Variants in SOX5 observed in about 807,000 individuals in gnomAD.
SOX5 encodes SRY-box transcription factor 5.
SOX5 carries 9 observed loss-of-function variants against 92.0 expected under a neutral mutation model. That is an observed-to-expected ratio of 0.10 (90% CI 0.06 to 0.17). SOX5 has a LOEUF of 0.17. Ranked by LOEUF, SOX5 falls within the 10% of genes least tolerant of loss-of-function variation. The pLI is 1.00. For synonymous variants in SOX5, 344 were observed against 336.3 expected (o/e 1.02, Z -0.25); for missense variants, 642 against 944.5 (o/e 0.68, Z 4.20).
chr12:24,048,420 G>T (rs753220790), intron 4 of SOX5, among the ~76,000 whole-genome samples: 1 of 152,158 alleles, frequency 6.6e-6, no homozygotes, highest in Non-Finnish European at 1.5e-5. Context: ...ATAAACAGGA[G>T]CAGTTCCTGT....
At chr12:23,749,642 CT>C (rs1265738423) in intron 4 of SOX5, among the ~76,000 whole-genome samples, 10 of 151,710 alleles carry the variant, frequency 6.6e-5, no homozygotes. Flanking sequence ...TTCTTGTTAC[CT>C]TTTTAAAAAA....
intron 2 of SOX5, among the ~76,000 whole-genome samples, chr12:24,366,612 C>T (rs1022566305): frequency 2.6e-5 from 4 of 152,092 alleles, no homozygotes; most frequent in African/African-American, 9.7e-5. Context: ...GTTAGTAAAG[C>T]ACATGCACAC....
intron 11 of SOX5, among the ~76,000 whole-genome samples, chr12:23,555,628 G>T (rs371478493): frequency 6.6e-6 from 1 of 152,116 alleles, no homozygotes; most frequent in Non-Finnish European, 1.5e-5. Flanking sequence ...GAAAGAAAAA[G>T]TCTTCCACTG....
chr12:23,866,003 A>G (rs1273583782), intron 2 of SOX5, among the ~76,000 whole-genome samples: 1 of 152,244 alleles, frequency 6.6e-6, no homozygotes, highest in Non-Finnish European at 1.5e-5. Flanking sequence ...ATCTCATGAT[A>G]AAACTTGAAT....
chr12:24,434,594 T>C (rs1426138154), intron 1 of SOX5, among the ~76,000 whole-genome samples: 1 of 152,168 alleles, frequency 6.6e-6, no homozygotes, highest in Non-Finnish European at 1.5e-5. Context: ...TGGGAGGTGA[T>C]TGGATCATGG....
intron 1 of SOX5, among the ~76,000 whole-genome samples, chr12:24,519,397 G>A (rs530383498): frequency 6.6e-6 from 1 of 152,130 alleles, no homozygotes; most frequent in African/African-American, 2.4e-5. Context: ...GAGGAGATGT[G>A]TATGTGTTGT....
chr12:24,004,434 T>C (rs1439291457), intron 4 of SOX5, among the ~76,000 whole-genome samples: 2 of 151,878 alleles, frequency 1.3e-5, no homozygotes, highest in Admixed American at 1.3e-4. Context: ...AAGAAACAGC[T>C]CAATTAAAAA....
intron 3 of SOX5, among the ~76,000 whole-genome samples, chr12:23,825,531 C>T (rs966695410): frequency 2.0e-5 from 3 of 152,138 alleles, no homozygotes; most frequent in Non-Finnish European, 4.4e-5. Flanking sequence ...CCATCTTGCC[C>T]GGGGGCCCCT....
intron 9 of SOX5, among the ~76,000 whole-genome samples, chr12:23,591,350 C>T (rs1951522547): frequency 6.6e-6 from 1 of 151,910 alleles, no homozygotes; most frequent in Non-Finnish European, 1.5e-5. Flanking sequence ...TTGTTAAGAG[C>T]CTATTAGGGG....
Position 23,531,560 on chromosome 12 carries a change from A to T in SOX5, c.*2659T>A, listed in dbSNP as rs779599699. The T allele has an allele frequency of 4.6e-5, 7 of 152,336 alleles. No individual in the cohort carries two copies. Among genetic ancestry groups the T allele is most frequent in the Non-Finnish European group, 7.4e-5 (5 of 68,026 alleles). 9.4% of individuals were successfully genotyped at this position (152,336 alleles called of 1,614,324 possible). On this transcript the variant is annotated 3_prime_UTR_variant, in exon 15 of 15. Coordinates refer to ENST00000451604, the MANE Select transcript of SOX5 (RefSeq NM_006940.6). ...CAGCAAACGTGAGAGGTGAACCCAC[A>T]TAAATCGGAAGGAATTTGTTAACAA...
chr12:23,687,071 T>C (rs928012054), intron 6 of SOX5, among the ~76,000 whole-genome samples: 1 of 152,082 alleles, frequency 6.6e-6, no homozygotes, highest in African/African-American at 2.4e-5. Flanking sequence ...ATTCTGTATA[T>C]TTTGTACTGA....
chr12:23,774,282 A>AT (rs2095031435), intron 3 of SOX5, among the ~76,000 whole-genome samples: 2 of 152,170 alleles, frequency 1.3e-5, no homozygotes, highest in Non-Finnish European at 2.9e-5. Context: ...TTGATCTGGG[A>AT]CCTATTACTA....
At chr12:23,579,448 T>C (rs1242029141) in intron 9 of SOX5, among the ~76,000 whole-genome samples, 1 of 152,182 alleles carries the variant, frequency 6.6e-6, no homozygotes, top group African/African-American at 2.4e-5. Context: ...TATATGATAT[T>C]ATTTCGCAAT....
At chr12:24,256,830 G>C (rs1941280818) in intron 3 of SOX5, among the ~76,000 whole-genome samples, 2 of 152,294 alleles carry the variant, frequency 1.3e-5, no homozygotes, top group Non-Finnish European at 2.9e-5. Flanking sequence ...ATTGTCATCT[G>C]CCTGCTGCAT....
At chr12:23,920,109 G>T (rs1937706509) in intron 1 of SOX5, 1 of 151,844 alleles carries the variant, frequency 6.6e-6, no homozygotes, top group Non-Finnish European at 1.5e-5. Flanking sequence ...CTCACTTATG[G>T]CATTTTCCCT....
intron 1 of SOX5, among the ~76,000 whole-genome samples, chr12:24,450,723 T>C (rs1313410140): frequency 6.6e-6 from 1 of 152,132 alleles, no homozygotes. Flanking sequence ...ACTCCTGACG[T>C]CAAGTGATCC....
At chr12:24,404,395 T>C (rs900249898) in intron 1 of SOX5, among the ~76,000 whole-genome samples, 11 of 152,186 alleles carry the variant, frequency 7.2e-5, no homozygotes, top group Admixed American at 5.2e-4. Context: ...GCATAATTTA[T>C]ACCTTGAATT....
chr12:24,415,970 G>A lies in SOX5; in HGVS notation c.-250-47331C>T, dbSNP rs77596905. ...GTCAACACATGAAAAATTACATCGC[G>A]TCAAAAATTCAGTAACATCAAGACT... On this transcript the variant is annotated intron_variant, in intron 1 of 4. Transcript: ENST00000446891. Among the ~76,000 whole-genome samples, 1,313 of 152,274 alleles carry A rather than the reference G, an allele frequency of 8.6e-3. 17 individuals are homozygous for A. Among genetic ancestry groups the A allele is most frequent in the African/African-American group, 0.03 (1,250 of 41,562 alleles).
chr12:23,866,234 AAAGGT>A (rs1430669515), intron 2 of SOX5, among the ~76,000 whole-genome samples: 4 of 152,212 alleles, frequency 2.6e-5, no homozygotes, highest in Non-Finnish European at 5.9e-5. Flanking sequence ...TATACAAAGG[AAAGGT>A]AACTATGTTA....
Sources: gnomAD v4.1 joint callset for allele counts (sites outside exome capture counted in the v4.1 genomes callset) on GRCh38, gnomAD v4.1.1 for gene constraint, MANE v1.5 for transcripts, NCBI Gene and HGNC (gene_info 2026-07-23, HGNC 2026-07-21) for gene names.